Variants in UBR7 observed in about 807,000 individuals in gnomAD.
UBR7 encodes putative E3 ubiquitin-protein ligase UBR7.
UBR7 carries 22 observed loss-of-function variants against 57.0 expected under a neutral mutation model. That is an observed-to-expected ratio of 0.39 (90% confidence interval 0.28 to 0.55). The LOEUF (loss-of-function observed/expected upper bound fraction) is 0.55. Among genes scored for constraint, UBR7 ranks in the 20% least tolerant of loss-of-function variants. UBR7 has a pLI of 0.69. For synonymous variants in UBR7, 167 were observed against 179.8 expected (o/e 0.93, Z 0.57); for missense variants, 395 against 513.2 (o/e 0.77, Z 2.23).
intron 10 of UBR7, among the ~76,000 whole-genome samples, chr14:93,224,668 C>T (rs990595810): frequency 2.6e-5 from 4 of 152,344 alleles, no homozygotes; most frequent in East Asian, 1.9e-4. Flanking sequence ...TGAGCCACCT[C>T]GCCCGGCCTT....
At chr14:93,221,846 G>A (rs1894713632) in intron 9 of UBR7, among the ~76,000 whole-genome samples, 1 of 152,068 alleles carries the variant, frequency 6.6e-6, no homozygotes, top group African/African-American at 2.4e-5. Flanking sequence ...AGCCAGGCAT[G>A]GTGGCGCGTG....
chr14:93,224,179 G>A, intron 10 of UBR7: 1 of 577,316 alleles, frequency 1.7e-6, no homozygotes. Flanking sequence ...CAAAAGGTTA[G>A]GTCGTTTTTT....
chr14:93,218,572 A>G lies in UBR7; in HGVS notation c.647A>G (p.Asp216Gly). The G allele has an allele frequency of 1.2e-6, 2 of 1,614,134 alleles. No individual in the cohort carries two copies. The highest frequency in any genetic ancestry group is 1.7e-6 in the Non-Finnish European group (2 of 1,180,036). ...TEDDGLVRNI[D>G]GIGDQEVIKP... is the part of the protein sequence containing the mutation. ...GATGATGGATTGGTGCGGAACATTGATGGAATAGGTGATCAGGAAGTTATC... is the reference window on the plus strand; with the variant it reads ...GATGATGGATTGGTGCGGAACATTGGTGGAATAGGTGATCAGGAAGTTATC... Residue 216 changes from aspartate (D) to glycine (G), a missense_variant, in exon 7 of 11, where the codon GAT becomes GGT. Asp to Gly is a moderately conservative substitution (Grantham distance 94). Transcript: ENST00000013070.
At chr14:93,220,444 T>G in intron 9 of UBR7, 33 bp downstream of exon 9, 1 of 1,613,016 alleles carries the variant, frequency 6.2e-7, no homozygotes, top group Admixed American at 1.7e-5. Flanking sequence ...AATTCATCAT[T>G]TCCTTCACTA....
rs544496644 is a variant in UBR7, at chr14:93,220,758, G to C, written c.1123+347G>C. On this transcript the variant is annotated intron_variant, in intron 9 of 10. Transcript: ENST00000013070. ...TTTGACAGTTCTTGAGGTTGCTTCA[G>C]TGGTTCACAGGAAACCACTAGAGGA... 8.5e-5 allele frequency among the ~76,000 whole-genome samples: 13 copies of C among 152,228 alleles called. No homozygotes were observed. In the East Asian group the frequency reaches 2.1e-3, roughly 25 times the overall value.
In UBR7 at chr14:93,214,955, A is replaced by G. The variant is rs757627672; in HGVS notation, c.468A>G (p.Val156=). ...DEIPDEMIQC[V]VCEDWFHGRH... is the part of the protein sequence containing the mutation. ...TTCCAGATGAGATGATCCAGTGCGTAGTCTGTGAAGACTGGTTCCATGGAA... is the reference window on the plus strand; with the variant it reads ...TTCCAGATGAGATGATCCAGTGCGTGGTCTGTGAAGACTGGTTCCATGGAA... The change falls in exon 5 of 11, where the codon GTA becomes GTG. Residue 156 remains valine, a synonymous_variant. Transcript: ENST00000013070. The G allele has an allele frequency of 2.6e-5, 42 of 1,613,844 alleles. No individual in the cohort carries two copies. Among genetic ancestry groups the G allele is most frequent in the Admixed American group, 2.5e-4 (15 of 59,986 alleles).
chr14:93,211,258 A>G (rs1209959153), intron 3 of UBR7, among the ~76,000 whole-genome samples: 1 of 151,778 alleles, frequency 6.6e-6, no homozygotes, highest in African/African-American at 2.4e-5. Context: ...AACAAAAACA[A>G]TAAATAGGCC....
At chr14:93,218,505 T>G (rs1165894145) in intron 6 of UBR7, 22 bp from the exon 7 acceptor site, 1 of 1,609,884 alleles carries the variant, frequency 6.2e-7, no homozygotes, top group South Asian at 1.1e-5. Flanking sequence ...GTATGTGTTT[T>G]TCTTTTTCTT....
chr14:93,220,251 A>T lies in UBR7; in HGVS notation c.963A>T (p.Lys321Asn). Residue 321 changes from lysine to asparagine, a missense_variant and splice_region_variant, in exon 9 of 11, where the codon AAA (lysine) becomes AAT (asparagine). Transcript: ENST00000013070. Reference sequence around the variant, plus strand: ...TTTTTTTTTTTTTTTCCCTAAAGAAAATGTATGGAGATCTAGATGTCTTAT... The same window carrying T: ...TTTTTTTTTTTTTTTCCCTAAAGAATATGTATGGAGATCTAGATGTCTTAT... ...SKLCTCQDCM[K>N]MYGDLDVLFL... The T allele has an allele frequency of 6.2e-7, 1 of 1,601,546 alleles. No homozygotes were observed. The highest frequency in any genetic ancestry group is 8.5e-7 in the Non-Finnish European group (1 of 1,176,976).
chr14:93,210,086 T>TTTATTTATTTATTTAC, intron 2 of UBR7, 129 bp downstream of exon 2: 1 of 613,832 alleles, frequency 1.6e-6, no homozygotes, highest in Non-Finnish European at 2.4e-6. Flanking sequence ...AATTAATTTA[T>TTTATTTATTTATTTAC]TTATTTATTT....
chr14:93,221,892 A>G (rs567030506), intron 9 of UBR7, among the ~76,000 whole-genome samples: 1 of 152,192 alleles, frequency 6.6e-6, no homozygotes, highest in South Asian at 2.1e-4. Context: ...CGGAGGTTGC[A>G]GTGAGCCGAG....
intron 10 of UBR7, chr14:93,224,023 GACA>G (rs1894776304): frequency 5.7e-6 from 5 of 875,626 alleles, no homozygotes; most frequent in Non-Finnish European, 9.4e-6. Context: ...GGGACTTGGC[GACA>G]ACGTGATTAG....
At chr14:93,213,994 T>A (rs1051192334) in intron 4 of UBR7, among the ~76,000 whole-genome samples, 1 of 152,108 alleles carries the variant, frequency 6.6e-6, no homozygotes, top group African/African-American at 2.4e-5. Flanking sequence ...TAGTGCGATC[T>A]CAGCTCACTG....
At chr14:93,208,752 C>A (rs1894421008) in intron 1 of UBR7, among the ~76,000 whole-genome samples, 1 of 151,994 alleles carries the variant, frequency 6.6e-6, no homozygotes, top group Non-Finnish European at 1.5e-5. Flanking sequence ...CCTTATCTAT[C>A]TTCCTCCTTC....
Position 93,220,104 on chromosome 14 carries a change from G to A in UBR7, c.961-145G>A, listed in dbSNP as rs1311076176. The stretch of plus-strand genomic sequence containing the variant: ...AAGAATAAATCCTTCTAGCAATTCT[G>A]TGTTAAAGACGCTCCAGTTTTTCTA... On this transcript the variant is annotated intron_variant, in intron 8 of 10. Transcript: ENST00000013070. 9.2e-6 allele frequency: 7 copies of A among 759,276 alleles called. No individual in the cohort carries two copies. In the Admixed American group the frequency reaches 1.4e-4, roughly 15 times the overall value. The allele number at this position is 759,276 out of a possible 1,614,324, so 47.0% of individuals were successfully genotyped here. A position where few individuals can be genotyped will look rare whatever the true frequency, so the allele number is the denominator to read the frequency against.
chr14:93,213,285 T>G (rs928222412), intron 4 of UBR7, among the ~76,000 whole-genome samples: 3 of 152,172 alleles, frequency 2.0e-5, no homozygotes, highest in African/African-American at 7.2e-5. Flanking sequence ...TTTGCCATTC[T>G]GATAAATGAA....
chr14:93,218,546 G>A lies in UBR7; in HGVS notation c.621G>A (p.Glu207=), dbSNP rs761422956. 1.2e-6 allele frequency: 2 copies of A among 1,614,162 alleles called. No homozygotes were observed. Among genetic ancestry groups the A allele is most frequent in the South Asian group, 2.2e-5 (2 of 91,076 alleles). The change falls in exon 7 of 11, where the codon GAG becomes GAA. Residue 207 remains glutamate (E), a synonymous_variant. Coordinates refer to ENST00000013070, the MANE Select transcript of UBR7 (RefSeq NM_175748.4). ...AQLAVTKIST[E]DDGLVRNIDG... is the part of the protein sequence containing the mutation. Reference sequence around the variant, plus strand: ...TCACAGTAACCAAAATATCCACTGAGGATGATGGATTGGTGCGGAACATTG... The same window carrying A: ...TCACAGTAACCAAAATATCCACTGAAGATGATGGATTGGTGCGGAACATTG...
At chr14:93,220,188 A>G (rs1894674955) in intron 8 of UBR7, 61 bp from the exon 9 acceptor site, 1 of 1,554,932 alleles carries the variant, frequency 6.4e-7, no homozygotes, top group Non-Finnish European at 8.7e-7. Context: ...CTTTCTGAGA[A>G]TGATAAACAG....
chr14:93,219,987 G>C (rs1737530273), intron 8 of UBR7, among the ~76,000 whole-genome samples: 1 of 146,288 alleles, frequency 6.8e-6, no homozygotes, highest in Non-Finnish European at 1.5e-5. Context: ...AAAAAAAAAA[G>C]TTAACAGTAA....
Sources: gnomAD v4.1 joint callset for allele counts (sites outside exome capture counted in the v4.1 genomes callset) on GRCh38, gnomAD v4.1.1 for gene constraint, MANE v1.5 for transcripts, NCBI Gene and HGNC (gene_info 2026-07-23, HGNC 2026-07-21) for gene names.